Variants in SKIL observed in about 807,000 individuals in gnomAD.
SKIL encodes the protein SKI like proto-oncogene.
Under a neutral mutation model 69.6 loss-of-function variants are expected in SKIL, and 20 were observed. The observed-to-expected ratio is 0.29, with a 90% CI of 0.20 to 0.42. The LOEUF is 0.42. Among genes scored for constraint, SKIL ranks in the 10% least tolerant of loss-of-function variants. SKIL has a pLI of 1.00. For missense variants in SKIL, 745 were observed against 783.1 expected (o/e 0.95, Z 0.58); for synonymous variants, 310 against 279.9 (o/e 1.11, Z -1.08).
rs2108228527 is a variant in SKIL, at chr3:170,392,432, A to T, written c.*15A>T. On this transcript the variant is annotated 3_prime_UTR_variant, in exon 7 of 7. Transcript: ENST00000259119. The stretch of plus-strand genomic sequence containing the variant: ...CTAAAGAATAGAAACTGTTAAAGAG[A>T]TTCATCTGTGTATTACTGACAAGGT... 6.3e-7 allele frequency: 1 copy of T among 1,580,280 alleles called. No homozygotes were observed. The highest frequency in any genetic ancestry group is 2.3e-5 in the East Asian group (1 of 44,420).
In SKIL at chr3:170,366,690, C is replaced by G. The variant is rs867325304; in HGVS notation, c.1098+5261C>G. Reference sequence around the variant, plus strand: ...GTCTCAAAACACACACACACACACACACACAGACACACACACACACACACA... The same window carrying G: ...GTCTCAAAACACACACACACACACAGACACAGACACACACACACACACACA... On this transcript the variant is annotated intron_variant, in intron 2 of 6. Coordinates refer to ENST00000259119, the MANE Select transcript of SKIL (RefSeq NM_005414.5). 4.6e-5 allele frequency among the ~76,000 whole-genome samples: 4 copies of G among 87,058 alleles called. No homozygotes were observed. In the East Asian group the frequency reaches 1.0e-3, roughly 22 times the overall value. 57.1% of individuals were successfully genotyped at this position (87,058 alleles called of 152,430 possible).
chr3:170,365,536 G>T (rs1736458349), intron 2 of SKIL, among the ~76,000 whole-genome samples: 1 of 152,052 alleles, frequency 6.6e-6, no homozygotes, highest in Non-Finnish European at 1.5e-5. Flanking sequence ...AATACTTTTG[G>T]TCCCAAGCAT....
At chr3:170,370,497 T>G (rs1008460305) in intron 2 of SKIL, among the ~76,000 whole-genome samples, 7 of 124,480 alleles carry the variant, frequency 5.6e-5, no homozygotes, top group Admixed American at 2.9e-4. Flanking sequence ...TTCTTATATC[T>G]TACAGTCTTC....
intron 2 of SKIL, among the ~76,000 whole-genome samples, chr3:170,376,866 C>T (rs1404978421): frequency 6.6e-6 from 1 of 152,150 alleles, no homozygotes. Context: ...AGATGTGAGC[C>T]GTTGCGCCTG....
chr3:170,377,083 A>G (rs1252908978), intron 2 of SKIL, among the ~76,000 whole-genome samples: 3 of 152,152 alleles, frequency 2.0e-5, no homozygotes, highest in African/African-American at 4.8e-5. Flanking sequence ...ATCATTTAGT[A>G]TTTCTGTTGC....
chr3:170,379,126 C>T (rs181853041), intron 2 of SKIL, among the ~76,000 whole-genome samples: 2 of 151,560 alleles, frequency 1.3e-5, no homozygotes, highest in African/African-American at 4.9e-5. Context: ...CCACCCTTCT[C>T]GTACCACCAC....
At position 170,360,938 on chromosome 3, in the gene SKIL, C is replaced by T. The variant is rs766074185; in HGVS notation, c.607C>T (p.His203Tyr). 5 of 1,614,180 alleles carry T rather than the reference C, an allele frequency of 3.1e-6. No individual in the cohort carries two copies. Among genetic ancestry groups the T allele is most frequent in the South Asian group, 1.1e-5 (1 of 91,088 alleles). Residue 203 changes from histidine to tyrosine, a missense_variant, in exon 2 of 7, where the codon CAT (histidine) becomes TAT (tyrosine). By Grantham distance (83) the His-to-Tyr change is moderately conservative. Coordinates refer to ENST00000259119, the MANE Select transcript of SKIL (RefSeq NM_005414.5). ...YCSRCTSDQL[H>Y]ILKVLGILPF... The stretch of plus-strand genomic sequence containing the variant: ...TTCAAGGTGTACTTCAGACCAGCTT[C>T]ATATCTTAAAGGTACTGGGCATACT...
rs1577448447 is a variant in SKIL, at chr3:170,390,549, C to T, written c.1671+85C>T. The T allele has an allele frequency of 9.5e-6, 10 of 1,056,134 alleles. No individual in the cohort carries two copies. The East Asian group carries it at 1.0e-4, about 11-fold the overall frequency. The allele number at this position is 1,056,134 out of a possible 1,614,324, so 65.4% of individuals were successfully genotyped here. On this transcript the variant is annotated intron_variant, in intron 5 of 6. Coordinates refer to ENST00000259119, the MANE Select transcript of SKIL (RefSeq NM_005414.5). ...TCGCCCAGGCTGGAGTGCAGTGGCG[C>T]AGTCTCAGCTCACTGAAACCTCCAC...
chr3:170,379,906 A>G (rs1030557874), intron 2 of SKIL, among the ~76,000 whole-genome samples: 4 of 152,278 alleles, frequency 2.6e-5, no homozygotes, highest in African/African-American at 4.8e-5. Flanking sequence ...GGCCTCCCAC[A>G]GTGCTGGAAT....
chr3:170,381,954 C>T (rs897332131), intron 3 of SKIL, among the ~76,000 whole-genome samples: 1 of 151,714 alleles, frequency 6.6e-6, no homozygotes, highest in Non-Finnish European at 1.5e-5. Flanking sequence ...TGGTGGCGGG[C>T]ACCTGTAGTC....
chr3:170,384,604 A>T lies in SKIL; in HGVS notation c.1268A>T (p.Lys423Ile). 6.2e-7 allele frequency: 1 copy of T among 1,613,342 alleles called. No individual in the cohort carries two copies. Among genetic ancestry groups the T allele is most frequent in the Admixed American group, 1.7e-5 (1 of 60,010 alleles). ...VSLTSAVSQS[K>I]ELTKTEASKS... The stretch of plus-strand genomic sequence containing the variant: ...CTTACTTCTGCTGTATCCCAGTCTA[A>T]AGAGCTCACAAAGACAGAGGCAAGT... The change falls in exon 4 of 7, where the codon AAA becomes ATA. Residue 423 changes from lysine (K) to isoleucine (I), a missense_variant. Coordinates refer to ENST00000259119, the MANE Select transcript of SKIL (RefSeq NM_005414.5).
In SKIL at chr3:170,360,043, A is replaced by G. The variant is rs1268074376; in HGVS notation, c.-289A>G. The G allele has an allele frequency of 2.9e-5, 8 of 276,374 alleles. No individual in the cohort carries two copies. The South Asian group carries it at 3.6e-4, about 13-fold the overall frequency. 17.1% of individuals were successfully genotyped at this position (276,374 alleles called of 1,614,324 possible). ...AATTGGTAACTTTATTTTAATATGT[A>G]TATCTGAAGAATTCAAGAAAACAAA... is the stretch of plus-strand genomic sequence containing the variant. On this transcript the variant is annotated 5_prime_UTR_variant, in exon 2 of 7. Transcript: ENST00000259119.
chr3:170,362,867 C>T (rs2108893104), intron 2 of SKIL, among the ~76,000 whole-genome samples: 1 of 147,816 alleles, frequency 6.8e-6, no homozygotes, highest in East Asian at 2.0e-4. Flanking sequence ...TTTTATTTTT[C>T]CTGCTGCATT....
At chr3:170,376,705 A>G (rs2108208256) in intron 2 of SKIL, among the ~76,000 whole-genome samples, 1 of 152,126 alleles carries the variant, frequency 6.6e-6, no homozygotes, top group East Asian at 1.9e-4. Context: ...CCTCCCAAGT[A>G]GCTGGGACTA....
At position 170,393,103 on chromosome 3, in the gene SKIL, T is replaced by G. The variant is rs760120168; in HGVS notation, c.*686T>G. 5 of 152,162 alleles carry G rather than the reference T, an allele frequency of 3.3e-5. No homozygotes were observed. Among genetic ancestry groups the G allele is most frequent in the Non-Finnish European group, 7.4e-5 (5 of 68,014 alleles). 9.4% of individuals were successfully genotyped at this position (152,162 alleles called of 1,614,324 possible). ...ATTTGTTTTTCAGTTTAAATGTGGT[T>G]ATAGTTAGATTTTTTTTTAAGCAGC... On this transcript the variant is annotated 3_prime_UTR_variant, in exon 7 of 7. Transcript: ENST00000259119.
At position 170,364,311 on chromosome 3, in the gene SKIL, C is replaced by CT. The variant is rs34818157; in HGVS notation, c.1098+2911dup. 1.2e-3 allele frequency among the ~76,000 whole-genome samples: 69 copies of CT among 59,990 alleles called. 5 individuals are homozygous for CT. Among genetic ancestry groups the CT allele is most frequent in the South Asian group, 8.8e-3 (10 of 1,132 alleles). 39.4% of individuals were successfully genotyped at this position (59,990 alleles called of 152,430 possible). A position where few individuals can be genotyped will look rare whatever the true frequency, so the allele number is the denominator to read the frequency against. On this transcript the variant is annotated intron_variant, in intron 2 of 6. Coordinates refer to ENST00000259119, the MANE Select transcript of SKIL (RefSeq NM_005414.5). ...ATTTGCCAGATATTGTTGCTCCCGT[C>CT]TTTTTTTTTTTTTTTTTTTTTTTTT...
intron 2 of SKIL, among the ~76,000 whole-genome samples, chr3:170,363,125 A>G (rs560361996): frequency 1.9e-4 from 29 of 152,226 alleles, no homozygotes; most frequent in African/African-American, 6.5e-4. Context: ...TGTTTCATTT[A>G]GGAACTTTGA....
At chr3:170,388,353 T>TTGC (rs1257361553) in intron 4 of SKIL, among the ~76,000 whole-genome samples, 2 of 151,808 alleles carry the variant, frequency 1.3e-5, no homozygotes, top group Admixed American at 6.6e-5. Flanking sequence ...TGCTAGGTTG[T>TTGC]TTTACTATTG....
Position 170,396,671 on chromosome 3 carries a change from C to T in SKIL, c.*4254C>T, listed in dbSNP as rs1738204092. 6.6e-6 allele frequency: 1 copy of T among 152,132 alleles called. No homozygotes were observed. The highest frequency in any genetic ancestry group is 2.4e-5 in the African/African-American group (1 of 41,428). 9.4% of individuals were successfully genotyped at this position (152,132 alleles called of 1,614,324 possible). The stretch of plus-strand genomic sequence containing the variant: ...TAAAAATAAGACTCATGTATCTGGT[C>T]ACCTAGTTTACAAATTTTGAATTAT... On this transcript the variant is annotated 3_prime_UTR_variant, in exon 7 of 7. Coordinates refer to ENST00000259119, the MANE Select transcript of SKIL (RefSeq NM_005414.5).
Sources: allele counts gnomAD v4.1 joint callset (sites outside exome capture counted in the v4.1 genomes callset), GRCh38; gene constraint gnomAD v4.1.1; transcripts MANE v1.5; gene names NCBI Gene and HGNC (gene_info 2026-07-23, HGNC 2026-07-21).